The following SOS1 variants were observed in gnomAD, a reference collection of about 807,000 sequenced individuals.
SOS1 encodes SOS Ras/Rac guanine nucleotide exchange factor 1.
In SOS1, 25 loss-of-function variants were observed where a neutral mutation model predicts 157.6. That is an observed-to-expected ratio of 0.16 (90% CI 0.12 to 0.22). The LOEUF is 0.22. SOS1 is among the 10% of genes least tolerant of loss of function. The pLI, the probability that SOS1 is intolerant of heterozygous loss-of-function variation, is 1.00. For missense variants in SOS1, 1,237 were observed against 1,599.1 expected (o/e 0.77, Z 3.86); for synonymous variants, 528 against 534.0 (o/e 0.99, Z 0.16).
At chr2:39,034,175 C>T (rs1474891904) in intron 8 of SOS1, among the ~76,000 whole-genome samples, 1 of 152,190 alleles carries the variant, frequency 6.6e-6, no homozygotes, top group African/African-American at 2.4e-5. Context: ...CCTTTTAACT[C>T]CCTTAGTCCT....
At position 38,991,110 on chromosome 2, in the gene SOS1, T is replaced by A. The variant is rs148407317; in HGVS notation, c.3347-1796A>T. Among the ~76,000 whole-genome samples, 64 of 152,008 alleles carry A rather than the reference T, an allele frequency of 4.2e-4. 1 individual carries two copies. Among genetic ancestry groups the A allele is most frequent in the African/African-American group, 1.4e-3 (56 of 41,458 alleles). ...TCTAGTGTGGGCTGGGCCTACATAT[T>A]TTTTTTAAGCTCCTCAACAGATGAT... On this transcript the variant is annotated intron_variant, in intron 20 of 22. Coordinates refer to ENST00000402219, the MANE Select transcript of SOS1 (RefSeq NM_005633.4).
At chr2:39,010,779 C>G (rs1025932029) in intron 14 of SOS1, 76 bp from the exon 15 acceptor site, 1 of 1,176,066 alleles carries the variant, frequency 8.5e-7, no homozygotes, top group Admixed American at 1.8e-5. Context: ...GTAAAGGAGA[C>G]AAATAAAAAC....
intron 1 of SOS1, among the ~76,000 whole-genome samples, chr2:39,095,753 G>C (rs892731676): frequency 6.6e-6 from 1 of 152,226 alleles, no homozygotes; most frequent in South Asian, 2.1e-4. Context: ...AAAGAGGACA[G>C]AGAGGAATCA....
chr2:39,028,847 G>C (rs1308181210), intron 8 of SOS1, among the ~76,000 whole-genome samples: 1 of 152,148 alleles, frequency 6.6e-6, no homozygotes, highest in Non-Finnish European at 1.5e-5. Context: ...CACAAGCAAA[G>C]ATTAGGTTCA....
chr2:39,093,622 G>A (rs960129791), intron 1 of SOS1, among the ~76,000 whole-genome samples: 10 of 152,200 alleles, frequency 6.6e-5, no homozygotes, highest in African/African-American at 2.4e-4. Context: ...GAAGCCCAGA[G>A]ACACGAGATT....
intron 6 of SOS1, among the ~76,000 whole-genome samples, chr2:39,043,778 C>T (rs79502426): frequency 0.019 from 2,910 of 152,166 alleles, 31 homozygotes; most frequent in Middle Eastern, 0.031. Context: ...GGGGGCCCCA[C>T]CCCACCCTGA....
At chr2:39,101,109 G>C (rs1234301799) in intron 1 of SOS1, among the ~76,000 whole-genome samples, 1 of 152,228 alleles carries the variant, frequency 6.6e-6, no homozygotes, top group Non-Finnish European at 1.5e-5. Context: ...TCTGCTTCTG[G>C]TAAGGACCTC....
intron 17 of SOS1, among the ~76,000 whole-genome samples, chr2:39,005,757 T>A (rs546348419): frequency 4.6e-5 from 7 of 151,638 alleles, no homozygotes; most frequent in Admixed American, 4.6e-4. Flanking sequence ...CTAAAGAGAC[T>A]ATAGAGAGAT....
intron 6 of SOS1, among the ~76,000 whole-genome samples, chr2:39,039,181 A>G (rs1390643800): frequency 6.6e-6 from 1 of 152,246 alleles, no homozygotes; most frequent in African/African-American, 2.4e-5. Flanking sequence ...ACCACAGGAT[A>G]GTGTAAACAT....
chr2:39,009,243 G>A (rs909909273), intron 15 of SOS1, among the ~76,000 whole-genome samples: 6 of 151,966 alleles, frequency 3.9e-5, no homozygotes, highest in South Asian at 2.1e-4. Flanking sequence ...AAGCTCAATA[G>A]TATATTTGAA....
intron 10 of SOS1, among the ~76,000 whole-genome samples, chr2:39,019,932 AATTT>A (rs988932284): frequency 4.0e-5 from 6 of 151,628 alleles, no homozygotes; most frequent in Non-Finnish European, 5.9e-5. Context: ...CCAAGGAAGT[AATTT>A]ATTTATTTTT....
chr2:39,010,899 T>C (rs11690966), intron 14 of SOS1, among the ~76,000 whole-genome samples, 196 bp from the exon 15 acceptor site: 6 of 3,992 alleles, frequency 1.5e-3, no homozygotes. Context: ...TTTTAAACTT[T>C]TTTTTTTTTT....
At chr2:38,993,236 T>G (rs1045297200) in intron 20 of SOS1, among the ~76,000 whole-genome samples, 1 of 152,258 alleles carries the variant, frequency 6.6e-6, no homozygotes, top group East Asian at 1.9e-4. Flanking sequence ...CACAGCTCAT[T>G]GCAGCCTCAC....
At position 39,002,221 on chromosome 2, in the gene SOS1, G is replaced by A. The variant is rs542466760; in HGVS notation, c.2791+4191C>T. 3.1e-4 allele frequency among the ~76,000 whole-genome samples: 27 copies of A among 86,328 alleles called. 1 individual carries two copies. The highest frequency in any genetic ancestry group is 1.1e-3 in the African/African-American group (22 of 20,116). The allele number at this position is 86,328 out of a possible 152,430, so 56.6% of individuals were successfully genotyped here. On this transcript the variant is annotated intron_variant, in intron 17 of 22. Transcript: ENST00000402219. ...GGTGCCTGTAATACCAGCTACTTGG[G>A]AGGCTGAGGCAGGAGAACTGCTGAA...
At chr2:39,115,313 A>G (rs1349231000) in intron 1 of SOS1, among the ~76,000 whole-genome samples, 1 of 150,924 alleles carries the variant, frequency 6.6e-6, no homozygotes, top group Non-Finnish European at 1.5e-5. Flanking sequence ...AGACTCATAT[A>G]GTATATACTC....
intron 8 of SOS1, chr2:39,034,753 G>T: frequency 2.2e-6 from 1 of 454,500 alleles, no homozygotes; most frequent in South Asian, 1.6e-5. Context: ...CTTGAGCTAT[G>T]AAAGTCAGGT....
chr2:39,000,422 GT>G (rs915536656), intron 17 of SOS1, among the ~76,000 whole-genome samples: 3 of 150,732 alleles, frequency 2.0e-5, no homozygotes, highest in African/African-American at 7.3e-5. Flanking sequence ...TAAAGCTTAG[GT>G]TTTTTTTTCA....
At chr2:39,037,440 T>G (rs962090186) in intron 6 of SOS1, among the ~76,000 whole-genome samples, 1 of 152,228 alleles carries the variant, frequency 6.6e-6, no homozygotes. Flanking sequence ...CAGTTTATTT[T>G]AAAACTATAA....
At chr2:39,015,625 C>T (rs527700540) in intron 10 of SOS1, among the ~76,000 whole-genome samples, 47 of 151,966 alleles carry the variant, frequency 3.1e-4, no homozygotes, top group Non-Finnish European at 4.9e-4. Flanking sequence ...GACCTACTCC[C>T]GTCTCTCCTT....
Sources: gnomAD v4.1 joint callset for allele counts (sites outside exome capture counted in the v4.1 genomes callset) on GRCh38, gnomAD v4.1.1 for gene constraint, MANE v1.5 for transcripts, NCBI Gene and HGNC (gene_info 2026-07-23, HGNC 2026-07-21) for gene names.